The following EBF2 variants were observed in gnomAD, a reference collection of about 807,000 sequenced individuals.
The protein encoded by EBF2 is transcription factor COE2.
EBF2 carries 21 observed loss-of-function variants against 72.8 expected under a neutral mutation model. The observed-to-expected ratio is 0.29, with a 90% CI of 0.20 to 0.42. The LOEUF (loss-of-function observed/expected upper bound fraction) is 0.42, where lower values mean the gene tolerates loss of function less well. EBF2 is among the 10% of genes least tolerant of loss of function. The pLI, the probability that EBF2 is intolerant of heterozygous loss-of-function variation, is 1.00. For synonymous variants in EBF2, 299 were observed against 274.2 expected (o/e 1.09, Z -0.89); for missense variants, 637 against 731.2 (o/e 0.87, Z 1.49).
At chr8:25,847,017 G>A (rs777291618) in intron 15 of EBF2, among the ~76,000 whole-genome samples, 1 of 152,144 alleles carries the variant, frequency 6.6e-6, no homozygotes. Context: ...AAGACACAGT[G>A]GGCTGCCAGA....
chr8:25,872,990 CAA>C (rs1802466238), intron 10 of EBF2, among the ~76,000 whole-genome samples: 1 of 152,242 alleles, frequency 6.6e-6, no homozygotes. Flanking sequence ...TTCATTCCCA[CAA>C]AGTCTGTCTT....
At chr8:25,947,738 G>A (rs796902229) in intron 6 of EBF2, among the ~76,000 whole-genome samples, 18 of 152,260 alleles carry the variant, frequency 1.2e-4, no homozygotes, top group African/African-American at 3.9e-4. Context: ...CCTTCCCCCT[G>A]GGCTGCTGTT....
chr8:25,858,784 T>A (rs192240251), intron 13 of EBF2, among the ~76,000 whole-genome samples: 55 of 150,410 alleles, frequency 3.7e-4, no homozygotes, highest in African/African-American at 1.3e-3. Context: ...CTCAGCCTCC[T>A]GAGTAGCTGG....
intron 10 of EBF2, among the ~76,000 whole-genome samples, chr8:25,869,381 G>T (rs919508073): frequency 6.6e-6 from 1 of 152,042 alleles, no homozygotes; most frequent in Non-Finnish European, 1.5e-5. Flanking sequence ...TCCTTGCCCT[G>T]CTGCTCTTTC....
At chr8:25,979,181 C>CA (rs1192261218) in intron 6 of EBF2, among the ~76,000 whole-genome samples, 1 of 152,046 alleles carries the variant, frequency 6.6e-6, no homozygotes, top group Non-Finnish European at 1.5e-5. Flanking sequence ...CCCGCAGATG[C>CA]AAAAAGCATT....
intron 6 of EBF2, among the ~76,000 whole-genome samples, chr8:25,914,253 C>T (rs1000871746): frequency 2.6e-5 from 4 of 152,186 alleles, no homozygotes; most frequent in South Asian, 2.1e-4. Flanking sequence ...AAAATCTTAA[C>T]GGTGGTGTTC....
At chr8:25,858,183 G>C in intron 14 of EBF2, 136 bp downstream of exon 14, 1 of 1,091,646 alleles carries the variant, frequency 9.2e-7, no homozygotes, top group Non-Finnish European at 1.4e-6. Flanking sequence ...AGGCAGGAAG[G>C]ATGCTTAATC....
rs560208459 is a variant in EBF2, at chr8:25,985,939, C to T, written c.551+47146G>A. 8.0e-5 allele frequency among the ~76,000 whole-genome samples: 10 copies of T among 125,190 alleles called. 1 individual carries two copies. The Middle Eastern group carries it at 0.018, about 221-fold the overall frequency. 82.1% of individuals were successfully genotyped at this position (125,190 alleles called of 152,430 possible). A position where few individuals can be genotyped will look rare whatever the true frequency, so the allele number is the denominator to read the frequency against. ...ATCACCTGATCCTAGAAAGTTGAGG[C>T]CGCAGTAAGTTGTGATCACACCACT... is the stretch of plus-strand genomic sequence containing the variant. On this transcript the variant is annotated intron_variant, in intron 6 of 15. Transcript: ENST00000520164.
intron 6 of EBF2, among the ~76,000 whole-genome samples, chr8:25,950,491 G>T (rs73555904): frequency 6.6e-6 from 1 of 152,338 alleles, no homozygotes; most frequent in African/African-American, 2.4e-5. Context: ...GGCTGCTGAG[G>T]CAGATACCCA....
At chr8:25,907,252 C>T (rs1803050442) in intron 7 of EBF2, among the ~76,000 whole-genome samples, 1 of 151,352 alleles carries the variant, frequency 6.6e-6, no homozygotes, top group African/African-American at 2.4e-5. Context: ...AACCCCATCT[C>T]TACCAAAAAA....
At chr8:25,919,282 G>C (rs1444062398) in intron 6 of EBF2, among the ~76,000 whole-genome samples, 1 of 152,152 alleles carries the variant, frequency 6.6e-6, no homozygotes, top group Non-Finnish European at 1.5e-5. Context: ...TGGGAATCTG[G>C]AAGGGCAAGG....
chr8:25,917,078 G>A (rs1027035107), intron 6 of EBF2, among the ~76,000 whole-genome samples: 2 of 152,108 alleles, frequency 1.3e-5, no homozygotes, highest in Admixed American at 6.5e-5. Context: ...GACTGTAAAC[G>A]GCTGCTGAAG....
intron 6 of EBF2, among the ~76,000 whole-genome samples, chr8:25,970,146 C>A (rs1804168801): frequency 6.6e-6 from 1 of 152,144 alleles, no homozygotes; most frequent in African/African-American, 2.4e-5. Flanking sequence ...ATCCTTCTGA[C>A]CCAGAGAGGC....
intron 6 of EBF2, among the ~76,000 whole-genome samples, chr8:25,992,333 C>CAAAAAAAAAAA (rs36020598): frequency 1.9e-5 from 1 of 52,548 alleles, no homozygotes; most frequent in African/African-American, 9.2e-5. Context: ...GACTCTGTCT[C>CAAAAAAAAAAA]AAAAAAAAAA....
chr8:25,884,310 T>G (rs1230380357), intron 10 of EBF2, among the ~76,000 whole-genome samples: 1 of 151,770 alleles, frequency 6.6e-6, no homozygotes, highest in Non-Finnish European at 1.5e-5. Context: ...TGAACACCAG[T>G]GAACCAAACA....
chr8:25,986,025 A>AAAAAAAAAAAAAAT (rs1804448971), intron 6 of EBF2, among the ~76,000 whole-genome samples: 1 of 145,670 alleles, frequency 6.9e-6, no homozygotes, highest in Non-Finnish European at 1.5e-5. Context: ...AAAAAAAAAA[A>AAAAAAAAAAAAAAT]GTACATGAGG....
intron 11 of EBF2, 47 bp from the exon 12 acceptor site, chr8:25,861,421 A>G: frequency 1.2e-6 from 2 of 1,603,936 alleles, no homozygotes; most frequent in Non-Finnish European, 1.7e-6. Flanking sequence ...AAAATCCAAG[A>G]TGGCAAACAA....
In EBF2 at chr8:25,981,908, T is replaced by C. The variant is rs577276236; in HGVS notation, c.551+51177A>G. Among the ~76,000 whole-genome samples the C allele has an allele frequency of 5.9e-5, 9 of 152,262 alleles. 1 individual carries two copies. The highest frequency in any genetic ancestry group is 8.8e-5 in the Non-Finnish European group (6 of 68,018). On this transcript the variant is annotated intron_variant, in intron 6 of 15. Coordinates refer to ENST00000520164, the MANE Select transcript of EBF2 (RefSeq NM_022659.4). ...ATCTAGATGTAAATTTTCAAAATAA[T>C]CTGACAGTTAAATGCAAATTAAGGG...
rs1000301708 is a variant in EBF2 at position 25,985,754 on chromosome 8, C to T, written c.551+47331G>A. ...GTCGCTTATGCCTGTAATCCCAACA[C>T]TTTGGGAGGCTGAGGCAGGCCGACC... On this transcript the variant is annotated intron_variant, in intron 6 of 15. Coordinates refer to ENST00000520164, the MANE Select transcript of EBF2 (RefSeq NM_022659.4). Among the ~76,000 whole-genome samples the T allele has an allele frequency of 2.0e-5, 3 of 152,134 alleles. No homozygotes were observed. The South Asian group carries it at 6.2e-4, about 32-fold the overall frequency.
Sources: allele counts gnomAD v4.1 joint callset (sites outside exome capture counted in the v4.1 genomes callset), GRCh38; gene constraint gnomAD v4.1.1; transcripts MANE v1.5; gene names NCBI Gene and HGNC (gene_info 2026-07-23, HGNC 2026-07-21).